Variants in ATPSCKMT observed in about 807,000 individuals in gnomAD.
ATPSCKMT encodes ATP synthase c subunit lysine N-methyltransferase.
ATPSCKMT carries 24 observed loss-of-function variants against 24.3 expected under a neutral mutation model. That is an observed-to-expected ratio of 0.99 (90% CI 0.71 to 1.39). ATPSCKMT has a LOEUF of 1.39. ATPSCKMT is among the 40% of genes most tolerant of loss of function. ATPSCKMT has a pLI of 0.00. For missense variants in ATPSCKMT, 311 were observed against 298.4 expected, an observed-to-expected ratio of 1.04 and a Z score of -0.31; for synonymous variants, 95 against 110.5, an observed-to-expected ratio of 0.86 and a Z score of 0.88.
chr5:10,237,089 T>C (rs1216327617), intron 2 of ATPSCKMT: 3 of 1,165,788 alleles, frequency 2.6e-6, no homozygotes, highest in East Asian at 1.2e-4. Context: ...TTGTAGTTAA[T>C]GACTGTTTAC....
In ATPSCKMT at chr5:10,239,146, T is replaced by A; in HGVS notation, c.227A>T (p.Lys76Met). The change falls in exon 2 of 5, where the codon AAG becomes ATG. Residue 76 changes from lysine to methionine, a missense_variant. Lys to Met is a moderately conservative substitution (Grantham distance 95). Coordinates refer to ENST00000511437, the MANE Select transcript of ATPSCKMT (RefSeq NM_199133.4). ...CATTTTCACAACATTTTCAATCTGCTTCGTAGTTGCAGGTACAAACGGCAA... is the reference window on the plus strand; with the variant it reads ...CATTTTCACAACATTTTCAATCTGCATCGTAGTTGCAGGTACAAACGGCAA... ...VCLPFVPATT[K>M]QIENVVKMLR... 6.2e-7 allele frequency: 1 copy of A among 1,614,186 alleles called. No homozygotes were observed. The highest frequency in any genetic ancestry group is 8.5e-7 in the Non-Finnish European group (1 of 1,180,050).
At chr5:10,236,947 A>G (rs1256106027) in intron 2 of ATPSCKMT, 2 of 1,332,650 alleles carry the variant, frequency 1.5e-6, no homozygotes, top group Non-Finnish European at 2.0e-6. Flanking sequence ...AATCCACTGC[A>G]TCTCTCCATC....
chr5:10,245,425 AT>A (rs1276226829), intron 1 of ATPSCKMT, among the ~76,000 whole-genome samples: 7 of 151,972 alleles, frequency 4.6e-5, no homozygotes, highest in African/African-American at 1.5e-4. Context: ...GTCTCAAAAA[AT>A]AATAATAAAA....
At chr5:10,246,365 G>A (rs1744928707) in intron 1 of ATPSCKMT, among the ~76,000 whole-genome samples, 2 of 151,954 alleles carry the variant, frequency 1.3e-5, no homozygotes. Flanking sequence ...AACCGGGGAG[G>A]CAGAGGTTAC....
At chr5:10,246,464 A>G (rs1215267804) in intron 1 of ATPSCKMT, among the ~76,000 whole-genome samples, 1 of 151,958 alleles carries the variant, frequency 6.6e-6, no homozygotes, top group Non-Finnish European at 1.5e-5. Flanking sequence ...AAAGAAAAAA[A>G]AAAAAAAAGA....
intron 1 of ATPSCKMT, among the ~76,000 whole-genome samples, chr5:10,249,164 G>A (rs888260229): frequency 1.3e-5 from 2 of 151,712 alleles, no homozygotes; most frequent in African/African-American, 4.9e-5. Context: ...AGCTGCCTGG[G>A]AGGCTGAGGC....
intron 4 of ATPSCKMT, among the ~76,000 whole-genome samples, chr5:10,232,707 G>C (rs532058893): frequency 3.7e-4 from 57 of 152,338 alleles, no homozygotes; most frequent in African/African-American, 1.3e-3. Context: ...CCAGGGGGCC[G>C]AGAGAAGGAC....
At chr5:10,236,272 A>G (rs1203570939) in intron 3 of ATPSCKMT, 2 of 437,660 alleles carry the variant, frequency 4.6e-6, no homozygotes, top group Non-Finnish European at 7.7e-6. Flanking sequence ...GGAATTCACA[A>G]GACCTATCAT....
chr5:10,246,926 T>C (rs1363129575), intron 1 of ATPSCKMT, among the ~76,000 whole-genome samples: 1 of 152,124 alleles, frequency 6.6e-6, no homozygotes, highest in Non-Finnish European at 1.5e-5. Flanking sequence ...CAGTGAGGTG[T>C]TGGCAGAGAG....
chr5:10,238,218 C>T (rs1744463148), intron 2 of ATPSCKMT, among the ~76,000 whole-genome samples: 3 of 152,180 alleles, frequency 2.0e-5, no homozygotes, highest in Admixed American at 2.0e-4. Context: ...CACCCCGAAC[C>T]GTACACCTGC....
intron 1 of ATPSCKMT, among the ~76,000 whole-genome samples, chr5:10,244,834 G>GGAGGCT (rs1744819000): frequency 3.3e-5 from 5 of 151,648 alleles, no homozygotes; most frequent in Admixed American, 3.3e-4. Context: ...CTTAGGCCCA[G>GGAGGCT]GAGGCTGAGG....
intron 2 of ATPSCKMT, among the ~76,000 whole-genome samples, chr5:10,238,460 A>G (rs1744474984): frequency 3.3e-5 from 5 of 152,120 alleles, no homozygotes; most frequent in Admixed American, 3.3e-4. Flanking sequence ...TGCTGCTGGA[A>G]CTTTTCAGCT....
At chr5:10,235,016 A>G (rs950893426) in intron 4 of ATPSCKMT, among the ~76,000 whole-genome samples, 195 bp downstream of exon 4, 1 of 152,256 alleles carries the variant, frequency 6.6e-6, no homozygotes, top group Admixed American at 6.5e-5. Context: ...CCAAAGTTTA[A>G]AAGTATGACT....
rs1055666456 is a variant in ATPSCKMT at position 10,227,381 on chromosome 5, G to C, written c.*60C>G. On this transcript the variant is annotated 3_prime_UTR_variant, in exon 5 of 5. Transcript: ENST00000511437. ...ATGCTCCTTTGCTAAGGACACAGCT[G>C]TAAGTCTCTACAAGATCAGGGAAGA... 1 of 1,551,876 alleles carries C rather than the reference G, an allele frequency of 6.4e-7. No homozygotes were observed. Among genetic ancestry groups the C allele is most frequent in the African/African-American group, 1.4e-5 (1 of 73,952 alleles).
chr5:10,240,476 GA>G (rs1352785736), intron 1 of ATPSCKMT, among the ~76,000 whole-genome samples: 1 of 152,038 alleles, frequency 6.6e-6, no homozygotes, highest in Non-Finnish European at 1.5e-5. Context: ...GACTCCTCCA[GA>G]GCCAGCCAAA....
intron 4 of ATPSCKMT, among the ~76,000 whole-genome samples, chr5:10,232,370 G>A (rs1362980364): frequency 1.3e-5 from 2 of 152,230 alleles, no homozygotes; most frequent in Admixed American, 1.3e-4. Context: ...TGCCAGTGCT[G>A]CGGTGCTGGA....
chr5:10,249,591 G>T (rs1348311906), intron 1 of ATPSCKMT: 20 of 460,710 alleles, frequency 4.3e-5, no homozygotes, highest in Non-Finnish European at 6.8e-5. Context: ...TATTCCTTAA[G>T]ATCGTGCCAA....
At chr5:10,245,374 C>T (rs1022544498) in intron 1 of ATPSCKMT, among the ~76,000 whole-genome samples, 3 of 152,000 alleles carry the variant, frequency 2.0e-5, no homozygotes, top group Non-Finnish European at 4.4e-5. Context: ...GATCCGAGAC[C>T]GCGCCACTGC....
chr5:10,236,811 G>A (rs1354954699), intron 2 of ATPSCKMT, 196 bp from the exon 3 acceptor site: 1 of 1,489,188 alleles, frequency 6.7e-7, no homozygotes, highest in East Asian at 2.5e-5. Flanking sequence ...ATGCAACTTA[G>A]TTTCCTTGAT....
Sources: allele counts gnomAD v4.1 joint callset (sites outside exome capture counted in the v4.1 genomes callset), GRCh38; gene constraint gnomAD v4.1.1; transcripts MANE v1.5; gene names NCBI Gene and HGNC (gene_info 2026-07-23, HGNC 2026-07-21).